Variants in RPA3 observed in about 807,000 individuals in gnomAD.
RPA3 encodes replication protein A3.
A neutral mutation model predicts 13.7 loss-of-function variants in RPA3; 24 were observed. The observed-to-expected ratio is 1.75, with a 90% CI of 1.27 to 2.46. The LOEUF (loss-of-function observed/expected upper bound fraction) is 2.46, where lower values mean the gene tolerates loss of function less well. RPA3 is among the 30% of genes most tolerant of loss of function. RPA3 has a pLI of 0.00. For synonymous variants in RPA3, 59 were observed against 51.2 expected, an observed-to-expected ratio of 1.15 and a Z score of -0.65; for missense variants, 183 against 151.0, an observed-to-expected ratio of 1.21 and a Z score of -1.11.
chr7:7,682,859 G>A (rs1270712007), intron 4 of RPA3, among the ~76,000 whole-genome samples: 3 of 152,214 alleles, frequency 2.0e-5, no homozygotes, highest in Admixed American at 6.5e-5. Context: ...ACTTCATGAT[G>A]TAGATGCTTG....
intron 4 of RPA3, among the ~76,000 whole-genome samples, chr7:7,673,064 TTTTCTGAATC>T (rs979807646): frequency 1.3e-5 from 2 of 152,216 alleles, no homozygotes; most frequent in African/African-American, 4.8e-5. Flanking sequence ...TCCTGGGTTA[TTTTCTGAATC>T]TTCAGAACTT....
intron 4 of RPA3, among the ~76,000 whole-genome samples, chr7:7,685,550 G>A: frequency 6.6e-6 from 1 of 151,898 alleles, no homozygotes. Context: ...CTCGTGATCC[G>A]CCCGCCCCTG....
intron 4 of RPA3, among the ~76,000 whole-genome samples, chr7:7,654,255 G>A (rs1409065903): frequency 6.6e-6 from 1 of 152,212 alleles, no homozygotes; most frequent in African/African-American, 2.4e-5. Context: ...AGTAATGGAG[G>A]AGAGTAAAAT....
Position 7,640,923 on chromosome 7 carries a change from C to T in RPA3, c.-505G>A, listed in dbSNP as rs1033600972. The T allele has an allele frequency of 2.4e-5, 4 of 166,180 alleles. No individual in the cohort carries two copies. Among genetic ancestry groups the T allele is most frequent in the Non-Finnish European group, 5.3e-5 (4 of 75,990 alleles). 10.3% of individuals were successfully genotyped at this position (166,180 alleles called of 1,614,324 possible). A position where few individuals can be genotyped will look rare whatever the true frequency, so the allele number is the denominator to read the frequency against. ...CGGGAGTCGGCACTAGCTGCTGCCG[C>T]GGTGCTGTGGGTGCTGCGTACCAGC... On this transcript the variant is annotated 5_prime_UTR_variant, in exon 5 of 8. Transcript: ENST00000223129.
chr7:7,650,072 T>C (rs1215724480), intron 4 of RPA3, among the ~76,000 whole-genome samples: 1 of 152,252 alleles, frequency 6.6e-6, no homozygotes, highest in East Asian at 1.9e-4. Context: ...TTAAGAAGCA[T>C]GCATATTAAT....
Position 7,636,873 on chromosome 7 carries a change from G to A in RPA3, c.*127C>T. On this transcript the variant is annotated 3_prime_UTR_variant, in exon 8 of 8. Coordinates refer to ENST00000223129, the MANE Select transcript of RPA3 (RefSeq NM_002947.5). ...ATATCAGTTCCATCAAAAACTCTAGGTTGGAATATCTTAAAAACAGCAAAT... is the reference window on the plus strand; with the variant it reads ...ATATCAGTTCCATCAAAAACTCTAGATTGGAATATCTTAAAAACAGCAAAT... 1.4e-6 allele frequency: 1 copy of A among 731,844 alleles called. No homozygotes were observed. Among genetic ancestry groups the A allele is most frequent in the Non-Finnish European group, 2.4e-6 (1 of 424,808 alleles). The allele number at this position is 731,844 out of a possible 1,614,324, so 45.3% of individuals were successfully genotyped here.
At chr7:7,643,311 T>G (rs1189946421) in intron 4 of RPA3, among the ~76,000 whole-genome samples, 2 of 152,188 alleles carry the variant, frequency 1.3e-5, no homozygotes, top group African/African-American at 4.8e-5. Context: ...CAGATGGGCG[T>G]GCATGTAACT....
At chr7:7,668,342 C>A (rs1473774253) in intron 4 of RPA3, among the ~76,000 whole-genome samples, 1 of 152,082 alleles carries the variant, frequency 6.6e-6, no homozygotes, top group African/African-American at 2.4e-5. Context: ...TTTACTGTTT[C>A]AGTTACTTAT....
At chr7:7,663,451 A>G (rs1019364068) in intron 4 of RPA3, among the ~76,000 whole-genome samples, 1 of 152,104 alleles carries the variant, frequency 6.6e-6, no homozygotes, top group Non-Finnish European at 1.5e-5. Flanking sequence ...AGGCATCTGT[A>G]CCTCTTCCCC....
chr7:7,655,772 T>A (rs935578121), intron 4 of RPA3, among the ~76,000 whole-genome samples: 1 of 152,134 alleles, frequency 6.6e-6, no homozygotes, highest in Non-Finnish European at 1.5e-5. Context: ...TATTTTAATT[T>A]AAAAAATATT....
At chr7:7,708,457 A>G (rs1271457443) in intron 2 of RPA3, among the ~76,000 whole-genome samples, 1 of 152,180 alleles carries the variant, frequency 6.6e-6, no homozygotes, top group African/African-American at 2.4e-5. Context: ...CCATGTATTT[A>G]TTAGACAGCA....
intron 4 of RPA3, among the ~76,000 whole-genome samples, chr7:7,649,158 C>CAAAAAAAAAAAAAAAAAAAAAAAA: frequency 7.8e-6 from 1 of 128,864 alleles, no homozygotes; most frequent in Non-Finnish European, 1.6e-5. Flanking sequence ...GACTCCATCT[C>CAAAAAAAAAAAAAAAAAAAAAAAA]AAAAAAAAAA....
chr7:7,670,351 C>A (rs1405827038), intron 4 of RPA3, among the ~76,000 whole-genome samples: 1 of 152,150 alleles, frequency 6.6e-6, no homozygotes, highest in African/African-American at 2.4e-5. Context: ...TAAAGGGTCT[C>A]TCTATATATA....
chr7:7,686,320 G>T (rs1287416508), intron 3 of RPA3, among the ~76,000 whole-genome samples: 1 of 152,120 alleles, frequency 6.6e-6, no homozygotes, highest in Non-Finnish European at 1.5e-5. Context: ...TGGTTTGTGG[G>T]CCTTGTGTGG....
At chr7:7,684,653 T>C (rs1319432218) in intron 4 of RPA3, among the ~76,000 whole-genome samples, 1 of 152,238 alleles carries the variant, frequency 6.6e-6, no homozygotes, top group Non-Finnish European at 1.5e-5. Context: ...GGAAGCATTT[T>C]ATTAAATTAA....
chr7:7,648,855 A>G (rs772282874), intron 4 of RPA3, among the ~76,000 whole-genome samples: 52 of 151,000 alleles, frequency 3.4e-4, no homozygotes, highest in Non-Finnish European at 5.8e-4. Flanking sequence ...CCTGTCTCAA[A>G]AAAGAAAGAA....
At chr7:7,677,969 G>A (rs1277031506) in intron 4 of RPA3, among the ~76,000 whole-genome samples, 3 of 151,898 alleles carry the variant, frequency 2.0e-5, no homozygotes, top group South Asian at 4.1e-4. Context: ...CACCGCGCCC[G>A]GCCTATCTAT....
chr7:7,699,054 G>C (rs996925758), intron 2 of RPA3, among the ~76,000 whole-genome samples: 12 of 150,804 alleles, frequency 8.0e-5, no homozygotes, highest in East Asian at 3.9e-4. Flanking sequence ...GTGTGTGGGG[G>C]GGGGGTAGAT....
At chr7:7,666,862 A>G (rs1288317800) in intron 4 of RPA3, among the ~76,000 whole-genome samples, 1 of 151,958 alleles carries the variant, frequency 6.6e-6, no homozygotes, top group Non-Finnish European at 1.5e-5. Context: ...CTGGAGTGCA[A>G]TGGTGGGGTC....
Sources: gnomAD v4.1 joint callset for allele counts (sites outside exome capture counted in the v4.1 genomes callset) on GRCh38, gnomAD v4.1.1 for gene constraint, MANE v1.5 for transcripts, NCBI Gene and HGNC (gene_info 2026-07-23, HGNC 2026-07-21) for gene names.